The following SASH1 variants were observed in gnomAD, a reference collection of about 807,000 sequenced individuals.
The protein encoded by SASH1 is SAM and SH3 domain-containing protein 1.
A neutral mutation model predicts 125.2 loss-of-function variants in SASH1; 44 were observed. The observed-to-expected ratio is 0.35, with a 90% CI of 0.28 to 0.45. The LOEUF (loss-of-function observed/expected upper bound fraction) is 0.45. Among genes scored for constraint, SASH1 ranks in the 20% least tolerant of loss-of-function variants. The pLI, the probability that SASH1 is intolerant of heterozygous loss-of-function variation, is 1.00. For synonymous variants in SASH1, 639 were observed against 649.1 expected (o/e 0.98, Z 0.24); for missense variants, 1,426 against 1,614.5 (o/e 0.88, Z 2.00).
At chr6:148,309,041 A>G (rs1582947283) in intron 1 of SASH1, among the ~76,000 whole-genome samples, 1 of 136,366 alleles carries the variant, frequency 7.3e-6, no homozygotes, top group Non-Finnish European at 1.5e-5. Flanking sequence ...CCAAGATTTC[A>G]CCATTGCACT....
the SASH1 span, among the ~76,000 whole-genome samples, chr6:148,262,123 C>T: frequency 5.3e-5 from 8 of 152,122 alleles, no homozygotes; most frequent in African/African-American, 9.7e-5. Flanking sequence ...CACACACGCA[C>T]GGGCTTGCAC....
chr6:148,465,112 A>C (rs920456241), intron 4 of SASH1, among the ~76,000 whole-genome samples: 1 of 152,180 alleles, frequency 6.6e-6, no homozygotes, highest in African/African-American at 2.4e-5. Flanking sequence ...TAGCAGTGGG[A>C]GCGTACATTT....
Position 148,324,118 on chromosome 6 carries a change from C to CAAAAAAAAAAAAAAAAA in SASH1, n.74+51743_74+51759dup, listed in dbSNP as rs56950339. On this transcript the variant is annotated intron_variant and non_coding_transcript_variant, in intron 1 of 3. Transcript: ENST00000367469. ...GTGGTGACAGAGCAAGAATCTGTCT[C>CAAAAAAAAAAAAAAAAA]AAAAAAAAAAAAAAAAAACAAGCAT... Among the ~76,000 whole-genome samples the CAAAAAAAAAAAAAAAAA allele has an allele frequency of 1.2e-4, 7 of 59,438 alleles. 1 individual carries two copies. Among genetic ancestry groups the CAAAAAAAAAAAAAAAAA allele is most frequent in the African/African-American group, 2.8e-4 (4 of 14,056 alleles). 39.0% of individuals were successfully genotyped at this position (59,438 alleles called of 152,430 possible).
At position 148,304,932 on chromosome 6, in the gene SASH1, G is replaced by T. The variant is rs185896925; in HGVS notation, n.74+32555G>T. Among the ~76,000 whole-genome samples, 6 of 152,168 alleles carry T rather than the reference G, an allele frequency of 3.9e-5. No homozygotes were observed. In the East Asian group the frequency reaches 1.2e-3, roughly 30 times the overall value. On this transcript the variant is annotated intron_variant and non_coding_transcript_variant, in intron 1 of 3. Coordinates refer to the SASH1 transcript ENST00000367469. ...TGTAATCCCAGCCACTTGGGAGACT[G>T]AGGCACCAGAATCGCGTGAACCCAG... is the stretch of plus-strand genomic sequence containing the variant.
chr6:148,254,656 C>A, the SASH1 span, among the ~76,000 whole-genome samples: 1 of 152,122 alleles, frequency 6.6e-6, no homozygotes, highest in Non-Finnish European at 1.5e-5. Context: ...ATTTGCCATG[C>A]CACACTCGAT....
chr6:148,245,446 G>A, the SASH1 span, among the ~76,000 whole-genome samples: 1 of 152,132 alleles, frequency 6.6e-6, no homozygotes, highest in African/African-American at 2.4e-5. Flanking sequence ...GATACAAAAG[G>A]TCAATCTAAC....
At chr6:148,394,633 A>C (rs188343074) in intron 2 of SASH1, among the ~76,000 whole-genome samples, 6 of 151,118 alleles carry the variant, frequency 4.0e-5, no homozygotes, top group Middle Eastern at 3.4e-3. Flanking sequence ...CTCTTTCTCT[A>C]TCTCTCTCTC....
intron 1 of SASH1, among the ~76,000 whole-genome samples, chr6:148,362,707 G>A (rs1188243913): frequency 6.6e-6 from 1 of 151,990 alleles, no homozygotes; most frequent in Non-Finnish European, 1.5e-5. Flanking sequence ...AATTAGTCAG[G>A]TGTGGTGGCG....
intron 4 of SASH1, among the ~76,000 whole-genome samples, chr6:148,465,194 C>G (rs569784795): frequency 6.6e-6 from 1 of 152,138 alleles, no homozygotes; most frequent in South Asian, 2.1e-4. Flanking sequence ...TGTGTTTTCA[C>G]TTATTACATA....
chr6:148,525,061 G>T, intron 10 of SASH1: 1 of 512,784 alleles, frequency 2.0e-6, no homozygotes, highest in Non-Finnish European at 3.5e-6. Flanking sequence ...GGGGATTCTA[G>T]ACCTCTGGGG....
chr6:148,309,000 C>T (rs1780222037), intron 1 of SASH1, among the ~76,000 whole-genome samples: 1 of 147,938 alleles, frequency 6.8e-6, no homozygotes, highest in African/African-American at 2.5e-5. Context: ...AGGAGACTCG[C>T]TTGAACTCCG....
intron 8 of SASH1, among the ~76,000 whole-genome samples, chr6:148,498,547 T>C (rs960434168): frequency 6.6e-6 from 1 of 152,256 alleles, no homozygotes; most frequent in African/African-American, 2.4e-5. Context: ...CAATTTGGTC[T>C]GTTTCTTTCA....
chr6:148,499,207 A>AT (rs1273358552), intron 8 of SASH1, among the ~76,000 whole-genome samples: 2 of 151,632 alleles, frequency 1.3e-5, no homozygotes, highest in Non-Finnish European at 2.9e-5. Flanking sequence ...ACACAACCAA[A>AT]TTTTTTTACA....
chr6:148,476,274 CA>C (rs35854127), intron 7 of SASH1, among the ~76,000 whole-genome samples: 2,420 of 88,098 alleles, frequency 0.027, 29 homozygotes, highest in Middle Eastern at 0.11. Flanking sequence ...AAAAGGACAC[CA>C]AAAAAAAAAA....
chr6:148,301,725 C>A (rs993874811), intron 1 of SASH1, among the ~76,000 whole-genome samples: 1 of 148,980 alleles, frequency 6.7e-6, no homozygotes, highest in East Asian at 2.0e-4. Context: ...ACTACAGAAA[C>A]ACACCACCCC....
rs930520441 is a variant in SASH1, at chr6:148,445,843, G to A, written c.386+5436G>A. 4.6e-5 allele frequency among the ~76,000 whole-genome samples: 7 copies of A among 152,230 alleles called. No individual in the cohort carries two copies. In the South Asian group the frequency reaches 6.2e-4, roughly 14 times the overall value. On this transcript the variant is annotated intron_variant, in intron 4 of 19. Transcript: ENST00000367467. ...AGCAGCTGTTTGCTGACCAACTACC[G>A]GTTGTAGAAGGCTCCCTTCAGGGGG...
intron 1 of SASH1, among the ~76,000 whole-genome samples, chr6:148,330,536 A>G (rs562478887): frequency 6.6e-6 from 1 of 152,290 alleles, no homozygotes; most frequent in Admixed American, 6.5e-5. Flanking sequence ...CATAACTTGG[A>G]AACAGTTAAC....
intron 1 of SASH1, among the ~76,000 whole-genome samples, chr6:148,375,083 T>C (rs1342403235): frequency 6.6e-6 from 1 of 151,864 alleles, no homozygotes; most frequent in Non-Finnish European, 1.5e-5. Flanking sequence ...CTCAACCTCC[T>C]GGGCTCAGGT....
At chr6:148,504,415 A>C (rs965770381) in intron 8 of SASH1, among the ~76,000 whole-genome samples, 1 of 152,176 alleles carries the variant, frequency 6.6e-6, no homozygotes, top group Non-Finnish European at 1.5e-5. Context: ...TGTTCCAAGG[A>C]GCTAATGAGG....
Sources: gnomAD v4.1 joint callset for allele counts (sites outside exome capture counted in the v4.1 genomes callset) on GRCh38, gnomAD v4.1.1 for gene constraint, MANE v1.5 for transcripts, NCBI Gene and HGNC (gene_info 2026-07-23, HGNC 2026-07-21) for gene names.